Variants in GPR158 observed in about 807,000 individuals in gnomAD.
GPR158 encodes metabotropic glycine receptor.
In GPR158, 30 loss-of-function variants were observed where a neutral mutation model predicts 78.2. The observed-to-expected ratio is 0.38, with a 90% confidence interval of 0.29 to 0.52. The LOEUF is 0.52. GPR158 is among the 20% of genes least tolerant of loss of function. The probability of loss-of-function intolerance (pLI) is 0.83; values close to 1 mark genes in which losing one functional copy is unlikely to be tolerated. For synonymous variants in GPR158, 581 were observed against 591.1 expected (o/e 0.98, Z 0.25); for missense variants, 1,463 against 1,523.5 (o/e 0.96, Z 0.66).
chr10:25,528,545 T>C (rs1836381014), intron 5 of GPR158, among the ~76,000 whole-genome samples: 1 of 152,034 alleles, frequency 6.6e-6, no homozygotes, highest in South Asian at 2.1e-4. Context: ...CAATAGTACC[T>C]AAAAGCACTA....
intron 5 of GPR158, among the ~76,000 whole-genome samples, chr10:25,503,442 T>G (rs1835968156): frequency 6.6e-6 from 1 of 152,186 alleles, no homozygotes; most frequent in Non-Finnish European, 1.5e-5. Context: ...GTGGACATAT[T>G]GCCCTTTGCC....
intron 2 of GPR158, among the ~76,000 whole-genome samples, chr10:25,379,647 C>CTTTTTTTTTTTTTTTTTTTT (rs11393897): frequency 9.3e-6 from 1 of 106,986 alleles, no homozygotes; most frequent in Non-Finnish European, 1.8e-5. Context: ...TGAGGATTAG[C>CTTTTTTTTTTTTTTTTTTTT]TTTTTTTTTT....
At chr10:25,557,436 G>A (rs913541003) in intron 6 of GPR158, among the ~76,000 whole-genome samples, 2 of 152,140 alleles carry the variant, frequency 1.3e-5, no homozygotes, top group Non-Finnish European at 1.5e-5. Flanking sequence ...ATGAAAACAA[G>A]CATGAAACTT....
rs1436525398 is a variant in GPR158 at position 25,377,344 on chromosome 10, CTTCTT to C, written c.1009-18564_1009-18560del. 3.3e-5 allele frequency among the ~76,000 whole-genome samples: 5 copies of C among 151,854 alleles called. No homozygotes were observed. The East Asian group carries it at 5.8e-4, about 18-fold the overall frequency. On this transcript the variant is annotated intron_variant, in intron 2 of 10. Transcript: ENST00000376351. Reference sequence around the variant, plus strand: ...ATATTTTTAGTTTTCAAGGAAATGTCTTCTTTTATTTACTTATTTTTTTGAAAACA... The same window carrying C: ...ATATTTTTAGTTTTCAAGGAAATGTCTTATTTACTTATTTTTTTGAAAACA...
At chr10:25,201,577 C>A (rs1852930472) in intron 1 of GPR158, among the ~76,000 whole-genome samples, 1 of 152,032 alleles carries the variant, frequency 6.6e-6, no homozygotes, top group African/African-American at 2.4e-5. Flanking sequence ...GTCTTGTTCT[C>A]AAGGGGAATT....
intron 2 of GPR158, among the ~76,000 whole-genome samples, chr10:25,343,491 T>C (rs1588811531): frequency 6.6e-6 from 1 of 152,164 alleles, no homozygotes. Context: ...TTATACCACA[T>C]GACTTATTTA....
chr10:25,182,482 A>T (rs1852624274), intron 1 of GPR158, among the ~76,000 whole-genome samples: 1 of 152,242 alleles, frequency 6.6e-6, no homozygotes, highest in Non-Finnish European at 1.5e-5. Context: ...GTACAGGATT[A>T]TCCTCCCATT....
At chr10:25,587,764 C>T (rs1341680279) in intron 7 of GPR158, among the ~76,000 whole-genome samples, 1 of 152,120 alleles carries the variant, frequency 6.6e-6, no homozygotes, top group Non-Finnish European at 1.5e-5. Context: ...AGAGTAGCTC[C>T]TGAGACATTT....
chr10:25,373,168 C>G (rs1445750352), intron 2 of GPR158, among the ~76,000 whole-genome samples: 1 of 151,836 alleles, frequency 6.6e-6, no homozygotes, highest in Non-Finnish European at 1.5e-5. Flanking sequence ...GAGCTGGAGG[C>G]CATTATCCCT....
intron 5 of GPR158, among the ~76,000 whole-genome samples, chr10:25,527,205 C>T (rs142394935): frequency 9.8e-4 from 149 of 152,164 alleles, no homozygotes; most frequent in African/African-American, 3.5e-3. Flanking sequence ...ATTTTTACAC[C>T]TTTGTGCAAA....
At chr10:25,506,072 T>A (rs1727216238) in intron 5 of GPR158, among the ~76,000 whole-genome samples, 1 of 152,196 alleles carries the variant, frequency 6.6e-6, no homozygotes, top group South Asian at 2.1e-4. Context: ...CTATTTTGGA[T>A]CTCTTGAACA....
intron 2 of GPR158, among the ~76,000 whole-genome samples, chr10:25,235,427 T>C (rs1327231494): frequency 2.2e-5 from 2 of 89,944 alleles, no homozygotes; most frequent in South Asian, 3.6e-4. Flanking sequence ...CTCTTCTTCC[T>C]TTTTTTTTTT....
At chr10:25,439,868 C>T (rs920139331) in intron 4 of GPR158, among the ~76,000 whole-genome samples, 3 of 152,174 alleles carry the variant, frequency 2.0e-5, no homozygotes, top group Non-Finnish European at 4.4e-5. Context: ...GGCATTCTCT[C>T]TTCACCCAGT....
At chr10:25,188,499 C>A (rs2130638420) in intron 1 of GPR158, among the ~76,000 whole-genome samples, 1 of 152,306 alleles carries the variant, frequency 6.6e-6, no homozygotes, top group South Asian at 2.1e-4. Flanking sequence ...ACCATCTGAT[C>A]TTTGACAAAC....
In GPR158 at chr10:25,175,941, C is replaced by T. The variant is rs1852524474; in HGVS notation, c.521C>T (p.Ala174Val). ...GAGGGCGAGCCCAGCATCTCCCGGG[C>T]GGCCATCACCTTCAGCACCGATTCG... Reference protein sequence around the residue: ...LLEGEPSISRAAITFSTDSLS... With the variant: ...LLEGEPSISRVAITFSTDSLS... The change falls in exon 1 of 11, where the codon GCG (alanine) becomes GTG (valine). Residue 174 changes from alanine (A) to valine (V), a missense_variant. Ala to Val is a moderately conservative substitution (Grantham distance 64). Transcript: ENST00000376351. The surrounding 1 kb of genome is among the most constrained non-coding windows in gnomAD (Gnocchi z 6.4). The T allele has an allele frequency of 1.9e-6, 3 of 1,613,434 alleles. No individual in the cohort carries two copies. Among genetic ancestry groups the T allele is most frequent in the Non-Finnish European group, 2.5e-6 (3 of 1,179,928 alleles).
chr10:25,417,500 A>T (rs1773684), intron 4 of GPR158, among the ~76,000 whole-genome samples: 108,078 of 151,994 alleles, frequency 0.71, 39,504 homozygotes, highest in Non-Finnish European at 0.81. Context: ...CATGAAATCT[A>T]TTTTTTCTCC....
rs548138507 is a variant in GPR158 at position 25,312,894 on chromosome 10, T to G, written c.1009-83017T>G. ...ATTAATGCTAAGACGCCAGCAAAATTTTAACCCCCATATTTTTGCATTATC... is the reference window on the plus strand; with the variant it reads ...ATTAATGCTAAGACGCCAGCAAAATGTTAACCCCCATATTTTTGCATTATC... On this transcript the variant is annotated intron_variant, in intron 2 of 10. Transcript: ENST00000376351. Among the ~76,000 whole-genome samples, 4 of 152,126 alleles carry G rather than the reference T, an allele frequency of 2.6e-5. No homozygotes were observed. The East Asian group carries it at 7.8e-4, about 29-fold the overall frequency.
intron 1 of GPR158, among the ~76,000 whole-genome samples, chr10:25,192,535 A>G (rs1382542520): frequency 6.6e-6 from 1 of 152,182 alleles, no homozygotes; most frequent in East Asian, 1.9e-4. Context: ...GTGACACTAG[A>G]AAGTTATGTA....
chr10:25,478,520 GTGTGTGT>G (rs1161365970), intron 5 of GPR158, among the ~76,000 whole-genome samples: 1 of 145,218 alleles, frequency 6.9e-6, no homozygotes, highest in Non-Finnish European at 1.5e-5. Flanking sequence ...GTGTGTGTGT[GTGTGTGT>G]AGAGAGAAGA....
Sources: allele counts gnomAD v4.1 joint callset (sites outside exome capture counted in the v4.1 genomes callset), GRCh38; gene constraint gnomAD v4.1.1; non-coding constraint Gnocchi (gnomAD v3.1); transcripts MANE v1.5; gene names NCBI Gene and HGNC (gene_info 2026-07-23, HGNC 2026-07-21).